ATP6V0E1: variants seen among roughly 807,000 people sequenced by gnomAD.
ATP6V0E1 encodes ATPase H+ transporting V0 subunit e1, also known as V-type proton ATPase subunit e 1.
ATP6V0E1 carries 4 observed loss-of-function variants against 11.6 expected under a neutral mutation model. The observed-to-expected ratio is 0.35, with a 90% confidence interval of 0.17 to 0.79. The LOEUF (loss-of-function observed/expected upper bound fraction) is 0.79. Among genes scored for constraint, ATP6V0E1 ranks in the 30% least tolerant of loss-of-function variants. The probability of loss-of-function intolerance (pLI) is 0.54; values close to 1 mark genes in which losing one functional copy is unlikely to be tolerated. For synonymous variants in ATP6V0E1, 36 were observed against 34.8 expected (o/e 1.04, Z -0.13); for missense variants, 105 against 100.0 (o/e 1.05, Z -0.21).
At chr5:173,008,492 G>C (rs1381891640) in intron 2 of ATP6V0E1, among the ~76,000 whole-genome samples, 1 of 149,762 alleles carries the variant, frequency 6.7e-6, no homozygotes, top group African/African-American at 2.4e-5. Flanking sequence ...ATAGAGATGG[G>C]GTTTCACTAT....
chr5:173,013,441 G>C (rs1371227599), intron 2 of ATP6V0E1, among the ~76,000 whole-genome samples: 3 of 152,028 alleles, frequency 2.0e-5, no homozygotes, highest in Non-Finnish European at 2.9e-5. Context: ...CAGGCGTAGT[G>C]GTGGGCGCCT....
intron 1 of ATP6V0E1, among the ~76,000 whole-genome samples, chr5:172,992,441 C>T (rs2113581303): frequency 6.6e-6 from 1 of 152,240 alleles, no homozygotes; most frequent in Non-Finnish European, 1.5e-5. Context: ...CACCTTTCCC[C>T]AGGCTCCTTG....
At chr5:173,033,845 G>A (rs915978317) in intron 3 of ATP6V0E1, among the ~76,000 whole-genome samples, 3 of 151,416 alleles carry the variant, frequency 2.0e-5, no homozygotes, top group African/African-American at 7.3e-5. Flanking sequence ...CCCTGTGTCC[G>A]AAAAAAACAA....
intron 1 of ATP6V0E1, among the ~76,000 whole-genome samples, chr5:172,992,302 C>CT (rs1236079225): frequency 6.6e-6 from 1 of 152,192 alleles, no homozygotes; most frequent in East Asian, 1.9e-4. Flanking sequence ...CTGCCCGCCT[C>CT]GGCCTCCCAA....
intron 1 of ATP6V0E1, among the ~76,000 whole-genome samples, chr5:172,993,625 C>G (rs935110533): frequency 4.7e-5 from 7 of 149,564 alleles, no homozygotes; most frequent in African/African-American, 1.7e-4. Context: ...GAGGCTGAGG[C>G]AGGAGTATCA....
At chr5:172,993,784 T>C (rs1756022436) in intron 1 of ATP6V0E1, among the ~76,000 whole-genome samples, 1 of 146,634 alleles carries the variant, frequency 6.8e-6, no homozygotes, top group African/African-American at 2.5e-5. Context: ...GGCAGAAGGA[T>C]CAGTTGAGCC....
At chr5:172,993,077 C>T (rs1289815614) in intron 1 of ATP6V0E1, among the ~76,000 whole-genome samples, 2 of 152,266 alleles carry the variant, frequency 1.3e-5, no homozygotes, top group East Asian at 1.9e-4. Context: ...GGATCACAGG[C>T]GTGAGCCACC....
At chr5:172,984,469 A>C (rs1295656018) in intron 1 of ATP6V0E1, among the ~76,000 whole-genome samples, 1 of 152,206 alleles carries the variant, frequency 6.6e-6, no homozygotes, top group East Asian at 1.9e-4. Flanking sequence ...AGTGGGCGCC[A>C]GGAGGCGGTT....
intron 2 of ATP6V0E1, among the ~76,000 whole-genome samples, chr5:173,009,760 G>T (rs1215385476): frequency 1.2e-4 from 18 of 144,448 alleles, no homozygotes; most frequent in African/African-American, 4.5e-4. Context: ...CACTGCGCCT[G>T]GCCTCTTTTT....
At chr5:172,997,202 T>C (rs1756078800) in intron 2 of ATP6V0E1, among the ~76,000 whole-genome samples, 1 of 152,206 alleles carries the variant, frequency 6.6e-6, no homozygotes, top group Non-Finnish European at 1.5e-5. Context: ...CAATGACAAA[T>C]TCTCCACACC....
rs150038275 is a variant in ATP6V0E1 at position 172,994,610 on chromosome 5, C to T, written c.105-165C>T. 1.4e-3 allele frequency among the ~76,000 whole-genome samples: 207 copies of T among 152,254 alleles called. 2 individuals are homozygous for T. Among genetic ancestry groups the T allele is most frequent in the African/African-American group, 4.9e-3 (204 of 41,554 alleles). On this transcript the variant is annotated intron_variant, in intron 1 of 3. Transcript: ENST00000519374. ...TACATAAACTTTTCCCAGGTGTACC[C>T]TGGGCACACCGCAGTTTGCTGGATA... is the stretch of plus-strand genomic sequence containing the variant.
chr5:172,983,773 A>G lies in ATP6V0E1; in HGVS notation c.-88A>G. 7.4e-7 allele frequency: 1 copy of G among 1,344,660 alleles called. No homozygotes were observed. The highest frequency in any genetic ancestry group is 1.1e-6 in the Non-Finnish European group (1 of 946,542). 83.3% of individuals were successfully genotyped at this position (1,344,660 alleles called of 1,614,324 possible). A position where few individuals can be genotyped will look rare whatever the true frequency, so the allele number is the denominator to read the frequency against. Reference sequence around the variant, plus strand: ...TGGGGGCGCGGGAGGCGGGGCTTGCACACGCTGGTCACGCGGTCAGCTATT... The same window carrying G: ...TGGGGGCGCGGGAGGCGGGGCTTGCGCACGCTGGTCACGCGGTCAGCTATT... On this transcript the variant is annotated 5_prime_UTR_variant, in exon 1 of 4. Coordinates refer to ENST00000519374, the MANE Select transcript of ATP6V0E1 (RefSeq NM_003945.4).
intron 3 of ATP6V0E1, among the ~76,000 whole-genome samples, chr5:173,033,952 G>A (rs1756702935): frequency 6.6e-6 from 1 of 152,164 alleles, no homozygotes; most frequent in Non-Finnish European, 1.5e-5. Context: ...GCCAGAACGG[G>A]GAGCAAGCTA....
intron 2 of ATP6V0E1, among the ~76,000 whole-genome samples, chr5:173,005,434 G>A (rs576869340): frequency 1.3e-5 from 2 of 152,242 alleles, no homozygotes; most frequent in East Asian, 1.9e-4. Context: ...GGATGGTCTC[G>A]ATCTCCTGGG....
chr5:172,994,168 CTG>C (rs1581625400), intron 1 of ATP6V0E1, among the ~76,000 whole-genome samples: 1 of 152,082 alleles, frequency 6.6e-6, no homozygotes, highest in East Asian at 1.9e-4. Context: ...TATTTGGTGA[CTG>C]TGGAGGTGCA....
intron 2 of ATP6V0E1, among the ~76,000 whole-genome samples, chr5:173,015,779 T>G (rs1278086139): frequency 6.6e-6 from 1 of 152,222 alleles, no homozygotes; most frequent in Non-Finnish European, 1.5e-5. Context: ...CAGGCTAAAG[T>G]GCAGTGGTGC....
intron 2 of ATP6V0E1, among the ~76,000 whole-genome samples, chr5:173,009,144 T>G (rs1756276492): frequency 6.6e-6 from 1 of 151,924 alleles, no homozygotes; most frequent in Admixed American, 6.6e-5. Context: ...AAGGATCGCT[T>G]GAACCAGGAA....
At chr5:172,986,815 G>A in intron 1 of ATP6V0E1, 1 of 419,244 alleles carries the variant, frequency 2.4e-6, no homozygotes, top group Non-Finnish European at 4.7e-6. Context: ...TTGAGACAGA[G>A]TCTCACTCTG....
chr5:172,985,438 G>A (rs1166272086), intron 1 of ATP6V0E1, among the ~76,000 whole-genome samples: 1 of 151,938 alleles, frequency 6.6e-6, no homozygotes, highest in Non-Finnish European at 1.5e-5. Flanking sequence ...CCAGTTATAT[G>A]GGGTCATCTC....
Sources: allele counts gnomAD v4.1 joint callset (sites outside exome capture counted in the v4.1 genomes callset), GRCh38; gene constraint gnomAD v4.1.1; transcripts MANE v1.5; gene names NCBI Gene and HGNC (gene_info 2026-07-23, HGNC 2026-07-21).